CHL1: variants seen among roughly 807,000 people sequenced by gnomAD.
CHL1 encodes the protein neural cell adhesion molecule L1-like protein.
A neutral mutation model predicts 141.9 loss-of-function variants in CHL1; 96 were observed. That is an observed-to-expected ratio of 0.68 (90% CI 0.57 to 0.80). CHL1 has a LOEUF of 0.80. Among genes scored for constraint, CHL1 ranks in the 30% least tolerant of loss-of-function variants. The pLI is 0.00. For missense variants in CHL1, 1,820 were observed against 1,457.2 expected (o/e 1.25, Z -4.05); for synonymous variants, 613 against 502.2 (o/e 1.22, Z -2.95).
intron 2 of CHL1, among the ~76,000 whole-genome samples, chr3:269,981 T>C (rs1026945467): frequency 6.6e-6 from 1 of 152,190 alleles, no homozygotes; most frequent in Non-Finnish European, 1.5e-5. Flanking sequence ...ACCTGAGACC[T>C]GTGCAGAACC....
At chr3:283,491 T>G (rs182877104) in intron 2 of CHL1, among the ~76,000 whole-genome samples, 69 of 152,378 alleles carry the variant, frequency 4.5e-4, no homozygotes, top group African/African-American at 1.5e-3. Flanking sequence ...TTCATTAGTC[T>G]AGCCAGTCAA....
Position 344,707 on chromosome 3 carries a change from C to T in CHL1, c.846C>T (p.Gly282=). The T allele has an allele frequency of 6.2e-7, 1 of 1,613,416 alleles. No homozygotes were observed. Among genetic ancestry groups the T allele is most frequent in the Non-Finnish European group, 8.5e-7 (1 of 1,179,680 alleles). ...EILLLECFAE[G]LPTPQVDWNK... is the part of the protein sequence containing the mutation. ...TGCTGCTTGAGTGTTTTGCTGAAGG[C>T]TTGTGAGTAACCTGACTCTCACTCA... Residue 282 remains glycine, a splice_region_variant and synonymous_variant, in exon 9 of 28, where the codon GGC becomes GGT. Coordinates refer to ENST00000256509, the MANE Select transcript of CHL1 (RefSeq NM_006614.4).
At chr3:242,314 T>C (rs1268804060) in intron 1 of CHL1, among the ~76,000 whole-genome samples, 1 of 151,386 alleles carries the variant, frequency 6.6e-6, no homozygotes, top group Non-Finnish European at 1.5e-5. Context: ...ATACAGAGAC[T>C]GGCTGAGCGC....
intron 20 of CHL1, among the ~76,000 whole-genome samples, chr3:390,480 G>A (rs952785012): frequency 6.6e-6 from 1 of 152,154 alleles, no homozygotes; most frequent in African/African-American, 2.4e-5. Context: ...GTATCTATCT[G>A]GAGGGCTTTG....
intron 1 of CHL1, among the ~76,000 whole-genome samples, chr3:243,529 T>C (rs1290334443): frequency 6.6e-6 from 1 of 152,166 alleles, no homozygotes; most frequent in Non-Finnish European, 1.5e-5. Context: ...AGTGTGTCAC[T>C]TGGTCAACTG....
At chr3:349,877 A>G (rs1703095032) in intron 10 of CHL1, among the ~76,000 whole-genome samples, 1 of 152,228 alleles carries the variant, frequency 6.6e-6, no homozygotes. Context: ...AAATCATAAA[A>G]GCAGCAGTAA....
At chr3:322,651 T>TATATATATATATAAA (rs991870749) in intron 3 of CHL1, among the ~76,000 whole-genome samples, 2 of 77,608 alleles carry the variant, frequency 2.6e-5, no homozygotes, top group African/African-American at 6.5e-5. Flanking sequence ...ATAAAATATA[T>TATATATATATATAAA]ATATATATAT....
At chr3:228,895 T>C (rs1048884977) in intron 1 of CHL1, among the ~76,000 whole-genome samples, 1 of 152,130 alleles carries the variant, frequency 6.6e-6, no homozygotes, top group Non-Finnish European at 1.5e-5. Flanking sequence ...TATTGTCCAC[T>C]AAGTGGAGTA....
At chr3:385,784 T>G (rs186777233) in intron 19 of CHL1, 33 of 135,736 alleles carry the variant, frequency 2.4e-4, no homozygotes, top group African/African-American at 8.5e-4. Context: ...GTTGAGATCA[T>G]GCCACTACGC....
chr3:232,870 T>G (rs1451912982), intron 1 of CHL1, among the ~76,000 whole-genome samples: 1 of 152,176 alleles, frequency 6.6e-6, no homozygotes, highest in Non-Finnish European at 1.5e-5. Flanking sequence ...TAGAATTTTC[T>G]CTGTTACTCC....
At chr3:209,347 G>T (rs369473561) in intron 1 of CHL1, among the ~76,000 whole-genome samples, 1 of 152,084 alleles carries the variant, frequency 6.6e-6, no homozygotes, top group African/African-American at 2.4e-5. Context: ...TATTTCTTCC[G>T]CAAGAGAGAG....
chr3:276,717 T>TG (rs1696150768), intron 2 of CHL1, among the ~76,000 whole-genome samples: 6 of 151,656 alleles, frequency 4.0e-5, no homozygotes, highest in East Asian at 1.9e-4. Flanking sequence ...GTGAAATCCC[T>TG]TCTCTACTAA....
chr3:327,669 G>GT (rs1265978049), intron 4 of CHL1, among the ~76,000 whole-genome samples: 1 of 151,802 alleles, frequency 6.6e-6, no homozygotes, highest in Non-Finnish European at 1.5e-5. Flanking sequence ...ATTGTCTTTA[G>GT]TATCATTATA....
intron 10 of CHL1, among the ~76,000 whole-genome samples, chr3:351,952 C>T (rs1030426543): frequency 7.9e-5 from 12 of 152,094 alleles, no homozygotes; most frequent in African/African-American, 2.9e-4. Context: ...CAGTCTACAT[C>T]CAGAAATCAA....
At chr3:304,836 G>T (rs142224977) in intron 2 of CHL1, among the ~76,000 whole-genome samples, 2 of 151,962 alleles carry the variant, frequency 1.3e-5, no homozygotes, top group African/African-American at 4.8e-5. Context: ...TGATGTTAGG[G>T]TGTCAATTTT....
chr3:370,025 T>A (rs1387047016), intron 15 of CHL1, among the ~76,000 whole-genome samples: 1 of 152,236 alleles, frequency 6.6e-6, no homozygotes. Flanking sequence ...GATTTTTGCA[T>A]CAATGTTCAT....
intron 1 of CHL1, among the ~76,000 whole-genome samples, chr3:219,759 A>G (rs459362): frequency 0.13 from 19,600 of 152,230 alleles, 1,747 homozygotes; most frequent in East Asian, 0.47. Flanking sequence ...AGGCTTAATG[A>G]AATAGTCTGT....
intron 2 of CHL1, among the ~76,000 whole-genome samples, chr3:283,816 G>T (rs999696056): frequency 6.6e-6 from 1 of 152,232 alleles, no homozygotes. Flanking sequence ...AAAAACATCC[G>T]TGGGGGAAAA....
Position 354,770 on chromosome 3 carries a change from C to G in CHL1, c.1164C>G (p.Asp388Glu), listed in dbSNP as rs1392980918. Reference sequence around the variant, plus strand: ...GGAGAGTCAATGGCTCCCCAGTTGACAGTAAGTTTAAAAACCAATTGCAAT... The same window carrying G: ...GGAGAGTCAATGGCTCCCCAGTTGAGAGTAAGTTTAAAAACCAATTGCAAT... ...IKWRVNGSPVDNHPFAGDVVF... is the reference protein window; with the variant it reads ...IKWRVNGSPVENHPFAGDVVF... Residue 388 changes from aspartate to glutamate, a missense_variant and splice_region_variant, in exon 11 of 28, where the codon GAC becomes GAG. Physicochemically the swap from Asp to Glu is conservative, Grantham distance 45 (BLOSUM62 2). Coordinates refer to ENST00000256509, the MANE Select transcript of CHL1 (RefSeq NM_006614.4). 2 of 1,613,304 alleles carry G rather than the reference C, an allele frequency of 1.2e-6. No homozygotes were observed. The highest frequency in any genetic ancestry group is 1.7e-6 in the Non-Finnish European group (2 of 1,179,614).
Sources: allele counts gnomAD v4.1 joint callset (sites outside exome capture counted in the v4.1 genomes callset), GRCh38; gene constraint gnomAD v4.1.1; transcripts MANE v1.5; gene names NCBI Gene and HGNC (gene_info 2026-07-23, HGNC 2026-07-21).